CA10: variants seen among roughly 807,000 people sequenced by gnomAD.
CA10 encodes the protein carbonic anhydrase-related protein 10.
Under a neutral mutation model 44.2 loss-of-function variants are expected in CA10, and 14 were observed. The ratio of observed to expected loss-of-function variants is 0.32; its 90% CI spans 0.21 to 0.50. The LOEUF (loss-of-function observed/expected upper bound fraction) is 0.50. CA10 is among the 20% of genes least tolerant of loss of function. The pLI is 0.99. For missense variants in CA10, 350 were observed against 409.7 expected (o/e 0.85, Z 1.26); for synonymous variants, 159 against 141.6 (o/e 1.12, Z -0.87).
At chr17:51,940,654 G>T (rs1480246571) in intron 2 of CA10, among the ~76,000 whole-genome samples, 1 of 148,922 alleles carries the variant, frequency 6.7e-6, no homozygotes, top group African/African-American at 2.5e-5. Flanking sequence ...ACATAGAGAC[G>T]TCAAACTAAC....
chr17:51,892,115 G>A (rs73989460), intron 3 of CA10, among the ~76,000 whole-genome samples: 17,307 of 152,234 alleles, frequency 0.11, 1,355 homozygotes, highest in African/African-American at 0.23. Flanking sequence ...TGTAATGCAT[G>A]GCTGGACTTG....
At chr17:51,720,525 T>C (rs1916320081) in intron 4 of CA10, among the ~76,000 whole-genome samples, 1 of 152,126 alleles carries the variant, frequency 6.6e-6, no homozygotes, top group African/African-American at 2.4e-5. Flanking sequence ...GAACAACAAA[T>C]GTCCATCAAC....
intron 3 of CA10, among the ~76,000 whole-genome samples, chr17:51,870,124 C>T (rs913459708): frequency 6.6e-6 from 1 of 152,216 alleles, no homozygotes; most frequent in African/African-American, 2.4e-5. Context: ...CTGTCTTAGC[C>T]TCTCCTTATA....
At chr17:52,051,129 G>GA (rs1025473921) in intron 2 of CA10, among the ~76,000 whole-genome samples, 20 of 151,192 alleles carry the variant, frequency 1.3e-4, no homozygotes, top group Admixed American at 2.0e-4. Context: ...GAAAAGAAAA[G>GA]AAAGGAAGAA....
intron 3 of CA10, among the ~76,000 whole-genome samples, chr17:51,832,994 CTA>C (rs1398579613): frequency 6.6e-6 from 1 of 152,114 alleles, no homozygotes; most frequent in Non-Finnish European, 1.5e-5. Flanking sequence ...ATCCAAAATT[CTA>C]TGAGAGCTAC....
intron 3 of CA10, among the ~76,000 whole-genome samples, chr17:51,849,288 T>TA (rs1598080114): frequency 7.0e-6 from 1 of 142,512 alleles, no homozygotes; most frequent in East Asian, 2.1e-4. Context: ...TTGGAGTCCT[T>TA]TTAAATATAT....
At chr17:51,771,114 C>T (rs1205753847) in intron 3 of CA10, among the ~76,000 whole-genome samples, 2 of 115,714 alleles carry the variant, frequency 1.7e-5, no homozygotes, top group African/African-American at 6.5e-5. Flanking sequence ...CAGAGTAAGA[C>T]TCCGTCTCAA....
At chr17:51,783,929 C>T (rs1906155782) in intron 3 of CA10, among the ~76,000 whole-genome samples, 1 of 152,048 alleles carries the variant, frequency 6.6e-6, no homozygotes, top group Admixed American at 6.5e-5. Flanking sequence ...GGAGAGCTGG[C>T]CTGCTCTCCA....
Position 51,651,902 on chromosome 17 carries a change from G to A in CA10, c.561+1739C>T, listed in dbSNP as rs940899499. Among the ~76,000 whole-genome samples, 3 of 152,152 alleles carry A rather than the reference G, an allele frequency of 2.0e-5. No individual in the cohort carries two copies. In the East Asian group the frequency reaches 5.8e-4, roughly 29 times the overall value. ...CATGACAATATTGTGACCTATCTAC[G>A]GCTTCACAGTGAGTGCAGCCTAGGT... On this transcript the variant is annotated intron_variant, in intron 5 of 8. Coordinates refer to ENST00000451037, the MANE Select transcript of CA10 (RefSeq NM_020178.5).
rs183735947 is a variant in CA10, at chr17:52,087,235, G to A, written c.62-14842C>T. Among the ~76,000 whole-genome samples the A allele has an allele frequency of 2.6e-3, 395 of 152,322 alleles. 4 individuals are homozygous for A. In the South Asian group the frequency reaches 0.031, roughly 12 times the overall value. On this transcript the variant is annotated intron_variant, in intron 1 of 8. Coordinates refer to ENST00000451037, the MANE Select transcript of CA10 (RefSeq NM_020178.5). ...GTCTCACTGCAACCTCCGCCTCCTG[G>A]ATTCAAGTGATTCTCTTGCCTCAGC...
At chr17:52,050,453 C>A (rs372066196) in intron 2 of CA10, among the ~76,000 whole-genome samples, 1 of 152,072 alleles carries the variant, frequency 6.6e-6, no homozygotes, top group Non-Finnish European at 1.5e-5. Flanking sequence ...CTCCCCACAA[C>A]GGCTAAACAG....
chr17:51,693,775 T>C (rs1290695956), intron 4 of CA10, among the ~76,000 whole-genome samples: 1 of 152,212 alleles, frequency 6.6e-6, no homozygotes, highest in Non-Finnish European at 1.5e-5. Flanking sequence ...ATCCACGTCT[T>C]TGTTATTGTA....
intron 3 of CA10, among the ~76,000 whole-genome samples, chr17:51,777,605 C>T (rs1237564087): frequency 1.3e-5 from 2 of 152,114 alleles, no homozygotes; most frequent in Non-Finnish European, 2.9e-5. Context: ...TATAGCATAG[C>T]TCCCAGGCTG....
chr17:51,763,836 C>G (rs983927383), intron 3 of CA10, among the ~76,000 whole-genome samples: 2 of 152,136 alleles, frequency 1.3e-5, no homozygotes, highest in Admixed American at 1.3e-4. Context: ...ATTCCACCTC[C>G]TAAAAACCCT....
chr17:51,698,860 C>T (rs1266829861), intron 4 of CA10, among the ~76,000 whole-genome samples: 1 of 152,204 alleles, frequency 6.6e-6, no homozygotes, highest in East Asian at 1.9e-4. Context: ...CTTCCAGGTT[C>T]ATCCATGTTG....
At chr17:51,641,670 T>A (rs1913093471) in intron 6 of CA10, among the ~76,000 whole-genome samples, 1 of 152,194 alleles carries the variant, frequency 6.6e-6, no homozygotes, top group African/African-American at 2.4e-5. Context: ...TATACTGAGT[T>A]CTTAGTCGTG....
rs796706844 is a variant in CA10, at chr17:52,042,529, A to G, written c.136+29790T>C. 7.9e-5 allele frequency among the ~76,000 whole-genome samples: 12 copies of G among 152,048 alleles called. 2 individuals carry two copies. Among genetic ancestry groups the G allele is most frequent in the African/African-American group, 2.9e-4 (12 of 41,528 alleles). On this transcript the variant is annotated intron_variant, in intron 2 of 8. Transcript: ENST00000451037. ...CATTTATCAGATGTATAATTTGCAA[A>G]TATTTTCTCCCATTCTATAGTTTGC...
rs115092379 is a variant in CA10, at chr17:51,716,429, C to T, written c.465+31204G>A. On this transcript the variant is annotated intron_variant, in intron 4 of 8. Transcript: ENST00000451037. The stretch of plus-strand genomic sequence containing the variant: ...AAGGATGTCTAAAATGCTCATGGTT[C>T]TCTCCCCTTTTTTGGCCTCGAAAAA... 5.2e-3 allele frequency among the ~76,000 whole-genome samples: 793 copies of T among 152,124 alleles called. 10 individuals carry two copies. The highest frequency in any genetic ancestry group is 0.018 in the African/African-American group (761 of 41,472).
chr17:51,653,101 G>T (rs537311684), intron 5 of CA10, among the ~76,000 whole-genome samples: 3 of 152,196 alleles, frequency 2.0e-5, no homozygotes, highest in South Asian at 2.1e-4. Context: ...ATGTCATAAA[G>T]TCAGTGTGGG....
Sources: allele counts gnomAD v4.1 joint callset (sites outside exome capture counted in the v4.1 genomes callset), GRCh38; gene constraint gnomAD v4.1.1; transcripts MANE v1.5; gene names NCBI Gene and HGNC (gene_info 2026-07-23, HGNC 2026-07-21).